The following SLIT2 variants were observed in gnomAD, a reference collection of about 807,000 sequenced individuals.
SLIT2 encodes slit guidance ligand 2, also known as slit homolog 2 protein.
SLIT2 carries 41 observed loss-of-function variants against 185.7 expected under a neutral mutation model. That is an observed-to-expected ratio of 0.22 (90% confidence interval 0.17 to 0.29). The LOEUF (loss-of-function observed/expected upper bound fraction) is 0.29, where lower values mean the gene tolerates loss of function less well. Ranked by LOEUF, SLIT2 falls within the 10% of genes least tolerant of loss-of-function variation. The pLI, the probability that SLIT2 is intolerant of heterozygous loss-of-function variation, is 1.00. For missense variants in SLIT2, 1,571 were observed against 1,909.0 expected (o/e 0.82, Z 3.30); for synonymous variants, 693 against 680.2 (o/e 1.02, Z -0.29).
At chr4:20,568,787 C>A in intron 28 of SLIT2, 78 bp from the exon 29 acceptor site, 1 of 1,346,786 alleles carries the variant, frequency 7.4e-7, no homozygotes, top group Non-Finnish European at 1.0e-6. Context: ...TGTAATTATG[C>A]TTTTTTCAAT....
intron 19 of SLIT2, among the ~76,000 whole-genome samples, 194 bp downstream of exon 19, chr4:20,539,778 CA>C (rs1441113744): frequency 6.6e-6 from 1 of 151,820 alleles, no homozygotes; most frequent in Non-Finnish European, 1.5e-5. Flanking sequence ...TAAATTTTAA[CA>C]AAAAATTATA....
intron 18 of SLIT2, among the ~76,000 whole-genome samples, chr4:20,535,641 AGTGCTGACAGGGTGG>A (rs1394345577): frequency 6.6e-6 from 1 of 152,088 alleles, no homozygotes; most frequent in Non-Finnish European, 1.5e-5. Flanking sequence ...TCAAGATGGA[AGTGCTGACAGGGTGG>A]GTTTCTGATG....
chr4:20,501,119 T>C (rs189354149), intron 9 of SLIT2, among the ~76,000 whole-genome samples: 2 of 152,334 alleles, frequency 1.3e-5, no homozygotes, highest in East Asian at 3.9e-4. Flanking sequence ...ATTTTTATTT[T>C]CTTGTGTTTT....
chr4:20,292,491 A>G (rs1716050617), intron 4 of SLIT2, among the ~76,000 whole-genome samples: 1 of 152,130 alleles, frequency 6.6e-6, no homozygotes, highest in East Asian at 1.9e-4. Flanking sequence ...ACCTGTCTCA[A>G]AAGAAGAAGA....
At chr4:20,308,470 C>T (rs185710186) in intron 4 of SLIT2, among the ~76,000 whole-genome samples, 5 of 152,092 alleles carry the variant, frequency 3.3e-5, no homozygotes, top group South Asian at 2.1e-4. Context: ...GGGGAAACAA[C>T]GTGGTATAGA....
intron 4 of SLIT2, among the ~76,000 whole-genome samples, chr4:20,408,490 A>T (rs1726947428): frequency 1.3e-5 from 2 of 152,038 alleles, no homozygotes; most frequent in South Asian, 4.1e-4. Flanking sequence ...CTCAGCCCAA[A>T]GCCATCCCTG....
At position 20,529,097 on chromosome 4, in the gene SLIT2, G is replaced by A. The variant is rs775879995; in HGVS notation, c.1611G>A (p.Glu537=). The A allele has an allele frequency of 1.0e-5, 16 of 1,587,908 alleles. No homozygotes were observed. The highest frequency in any genetic ancestry group is 1.4e-5 in the Non-Finnish European group (16 of 1,162,798). The change falls in exon 16 of 37, where the codon GAG becomes GAA. Residue 537 remains glutamate (E), a splice_region_variant and synonymous_variant. Coordinates refer to ENST00000504154, the MANE Select transcript of SLIT2 (RefSeq NM_004787.4). The stretch of plus-strand genomic sequence containing the variant: ...AGCACATTCCCCAGTACACTGCAGA[G>A]TTGTAAGTTCATCCCCCAACAAAAT... ...IPEHIPQYTA[E]LRLNNNEFTV... is the part of the protein sequence containing the mutation.
At chr4:20,308,469 A>G (rs1294358901) in intron 4 of SLIT2, among the ~76,000 whole-genome samples, 2 of 152,182 alleles carry the variant, frequency 1.3e-5, no homozygotes, top group Non-Finnish European at 2.9e-5. Flanking sequence ...AGGGGAAACA[A>G]CGTGGTATAG....
chr4:20,413,949 CAAAT>C (rs1039420398), intron 4 of SLIT2, among the ~76,000 whole-genome samples: 3 of 152,014 alleles, frequency 2.0e-5, no homozygotes, highest in African/African-American at 7.2e-5. Flanking sequence ...TAATTACTGA[CAAAT>C]TAGGATTTAT....
At chr4:20,554,326 G>C (rs1724046451) in intron 26 of SLIT2, 2 of 462,876 alleles carry the variant, frequency 4.3e-6, no homozygotes, top group Admixed American at 2.3e-5. Flanking sequence ...GGGCCCTGTG[G>C]CTTCCTCATA....
intron 4 of SLIT2, among the ~76,000 whole-genome samples, chr4:20,320,342 G>C (rs1718965517): frequency 6.6e-6 from 1 of 152,022 alleles, no homozygotes; most frequent in Non-Finnish European, 1.5e-5. Flanking sequence ...AAGGATCCTT[G>C]GTGTCATGGT....
intron 4 of SLIT2, among the ~76,000 whole-genome samples, chr4:20,301,774 G>A (rs889172104): frequency 8.5e-5 from 13 of 152,152 alleles, no homozygotes; most frequent in Admixed American, 2.0e-4. Flanking sequence ...TCTCTCTCCT[G>A]AGAAAAGTTG....
At chr4:20,481,142 C>T (rs1446538823) in intron 6 of SLIT2, among the ~76,000 whole-genome samples, 1 of 151,648 alleles carries the variant, frequency 6.6e-6, no homozygotes, top group Non-Finnish European at 1.5e-5. Context: ...AATAATTTGT[C>T]GTTGTTAGGC....
intron 25 of SLIT2, among the ~76,000 whole-genome samples, chr4:20,551,221 A>G (rs2148891782): frequency 6.6e-6 from 1 of 152,220 alleles, no homozygotes; most frequent in African/African-American, 2.4e-5. Flanking sequence ...CTCCCTTTTA[A>G]TTATCTATCC....
intron 4 of SLIT2, among the ~76,000 whole-genome samples, chr4:20,311,183 C>G (rs1336925825): frequency 6.6e-6 from 1 of 152,222 alleles, no homozygotes; most frequent in South Asian, 2.1e-4. Context: ...GCCATGGTGC[C>G]AGGCCTGAAC....
At chr4:20,466,972 T>A (rs1461808980) in intron 4 of SLIT2, among the ~76,000 whole-genome samples, 11 of 152,168 alleles carry the variant, frequency 7.2e-5, no homozygotes, top group African/African-American at 2.4e-4. Context: ...CTAATAATAC[T>A]ATGTGAGCTC....
At chr4:20,342,218 C>A (rs1400514990) in intron 4 of SLIT2, among the ~76,000 whole-genome samples, 1 of 152,078 alleles carries the variant, frequency 6.6e-6, no homozygotes, top group East Asian at 1.9e-4. Context: ...ATAAAATTAA[C>A]ATCTGTTTAG....
chr4:20,422,108 T>G (rs1215747865), intron 4 of SLIT2, among the ~76,000 whole-genome samples: 1 of 152,194 alleles, frequency 6.6e-6, no homozygotes. Flanking sequence ...TACGTTTTAA[T>G]TGTCATCTCA....
intron 4 of SLIT2, among the ~76,000 whole-genome samples, chr4:20,385,181 A>G (rs1224194253): frequency 6.6e-6 from 1 of 152,184 alleles, no homozygotes; most frequent in Non-Finnish European, 1.5e-5. Context: ...GTTTGGGGCC[A>G]ACAGTCCTCT....
Sources: gnomAD v4.1 joint callset for allele counts (sites outside exome capture counted in the v4.1 genomes callset) on GRCh38, gnomAD v4.1.1 for gene constraint, MANE v1.5 for transcripts, NCBI Gene and HGNC (gene_info 2026-07-23, HGNC 2026-07-21) for gene names.